The following TENM1 variants were observed in gnomAD, a reference collection of about 807,000 sequenced individuals.
TENM1 encodes the protein teneurin-1.
A neutral mutation model predicts 174.8 loss-of-function variants in TENM1; 35 were observed. That is an observed-to-expected ratio of 0.20 (90% CI 0.15 to 0.27). The LOEUF (loss-of-function observed/expected upper bound fraction) is 0.27, where lower values mean the gene tolerates loss of function less well. Among genes scored for constraint, TENM1 ranks in the 10% least tolerant of loss-of-function variants. The probability of loss-of-function intolerance (pLI) is 1.00; values close to 1 mark genes in which losing one functional copy is unlikely to be tolerated. For missense variants in TENM1, 1,633 were observed against 2,130.1 expected (o/e 0.77, Z 4.59); for synonymous variants, 781 against 798.7 (o/e 0.98, Z 0.37).
At chrX:124,584,607 C>T (rs752550524) in intron 11 of TENM1, among the ~76,000 whole-genome samples, 1 of 111,332 alleles carries the variant, frequency 9.0e-6, no homozygotes, top group Admixed American at 9.5e-5. Context: ...ACCATCAAGG[C>T]TAGGAAGAAA....
intron 5 of TENM1, among the ~76,000 whole-genome samples, chrX:124,697,712 T>C (rs972893469): frequency 9.0e-6 from 1 of 111,524 alleles, no homozygotes; most frequent in Admixed American, 9.6e-5. Flanking sequence ...TTAACATAAA[T>C]GACACATTTT....
the TENM1 span, among the ~76,000 whole-genome samples, chrX:125,026,006 T>C: frequency 1.7e-4 from 19 of 109,930 alleles, no homozygotes; most frequent in Non-Finnish European, 3.2e-4. Flanking sequence ...TCTCAAAAAG[T>C]TGGAAAAAAT....
the TENM1 span, among the ~76,000 whole-genome samples, chrX:125,135,465 T>G: frequency 8.9e-6 from 1 of 112,092 alleles, no homozygotes; most frequent in Non-Finnish European, 1.9e-5. Flanking sequence ...GGATGACTAC[T>G]AAATGATGTC....
At chrX:124,623,062 TTTC>T (rs1311675809) in intron 11 of TENM1, among the ~76,000 whole-genome samples, 3 of 111,884 alleles carry the variant, frequency 2.7e-5, no homozygotes, top group African/African-American at 9.7e-5. Flanking sequence ...ATAAAATAAT[TTTC>T]TTTTTATTCA....
At chrX:124,837,378 G>A (rs2056414444) in intron 3 of TENM1, among the ~76,000 whole-genome samples, 1 of 112,173 alleles carries the variant, frequency 8.9e-6, no homozygotes, top group Non-Finnish European at 1.9e-5. Flanking sequence ...TGTGAGCTAC[G>A]ACGCCCAGCC....
chrX:124,916,376 T>C (rs2057924586), intron 1 of TENM1, among the ~76,000 whole-genome samples: 1 of 111,247 alleles, frequency 9.0e-6, no homozygotes, highest in Non-Finnish European at 1.9e-5. Flanking sequence ...AGCATCATCA[T>C]AGCTCACTGT....
chrX:124,662,117 A>T (rs1485191423), intron 6 of TENM1, among the ~76,000 whole-genome samples: 1 of 110,438 alleles, frequency 9.1e-6, no homozygotes, highest in Non-Finnish European at 1.9e-5. Flanking sequence ...TTTCTTACTC[A>T]TACTCGGTGT....
chrX:124,396,304 C>CTT (rs1257692658), intron 27 of TENM1, among the ~76,000 whole-genome samples: 4 of 70,437 alleles, frequency 5.7e-5, no homozygotes, highest in South Asian at 6.3e-4. Flanking sequence ...CTCTCCCAAC[C>CTT]TTTTTTTTTT....
At chrX:124,698,954 T>A (rs1603025422) in intron 5 of TENM1, among the ~76,000 whole-genome samples, 1 of 111,656 alleles carries the variant, frequency 9.0e-6, no homozygotes, top group East Asian at 2.8e-4. Flanking sequence ...CTGGCTGTTC[T>A]AGATAAAAAT....
At chrX:124,665,318 C>T (rs1009432806) in intron 6 of TENM1, among the ~76,000 whole-genome samples, 1 of 110,068 alleles carries the variant, frequency 9.1e-6, no homozygotes, top group Admixed American at 9.6e-5. Context: ...CCAGCCTGGG[C>T]AACAAGAGCA....
intron 1 of TENM1, among the ~76,000 whole-genome samples, chrX:124,910,252 C>T (rs979519778): frequency 8.9e-5 from 10 of 112,258 alleles, no homozygotes; most frequent in African/African-American, 3.2e-4. Flanking sequence ...GACATTAGTG[C>T]TTTTGAACTG....
intron 25 of TENM1, among the ~76,000 whole-genome samples, chrX:124,418,577 T>C (rs764039026): frequency 6.2e-5 from 7 of 112,052 alleles, no homozygotes; most frequent in Non-Finnish European, 1.3e-4. Flanking sequence ...TCCAGTACAA[T>C]ATAAGTTCCA....
chrX:124,719,893 G>C (rs2053271606), intron 4 of TENM1, among the ~76,000 whole-genome samples: 1 of 112,012 alleles, frequency 8.9e-6, no homozygotes, highest in Admixed American at 9.5e-5. Flanking sequence ...GAAATGGCTG[G>C]TTGTAACTTA....
chrX:124,813,442 A>G (rs2055828197), intron 3 of TENM1, among the ~76,000 whole-genome samples: 1 of 111,948 alleles, frequency 8.9e-6, no homozygotes, highest in Admixed American at 9.5e-5. Context: ...ACAGATACCT[A>G]GGAAGAAATT....
intron 13 of TENM1, among the ~76,000 whole-genome samples, chrX:124,562,342 G>A (rs150036344): frequency 2.7e-5 from 3 of 111,931 alleles, no homozygotes; most frequent in African/African-American, 3.2e-5. Flanking sequence ...CCTTAGAAAT[G>A]TGCTGTAGTT....
chrX:125,185,725 G>A, the TENM1 span, among the ~76,000 whole-genome samples: 1 of 111,925 alleles, frequency 8.9e-6, no homozygotes, highest in Non-Finnish European at 1.9e-5. Flanking sequence ...AACAAATTAG[G>A]CCAAATTATC....
At chrX:124,912,392 T>C (rs748240732) in intron 1 of TENM1, among the ~76,000 whole-genome samples, 72 of 111,184 alleles carry the variant, frequency 6.5e-4, no homozygotes, top group Non-Finnish European at 1.2e-3. Flanking sequence ...AAAATATTTT[T>C]GGCTAAATAC....
the TENM1 span, among the ~76,000 whole-genome samples, chrX:125,078,334 G>C: frequency 1.8e-5 from 2 of 111,806 alleles, no homozygotes; most frequent in African/African-American, 6.5e-5. Context: ...TTTTAAAAAA[G>C]AAGTGCGGCA....
intron 1 of TENM1, among the ~76,000 whole-genome samples, chrX:124,931,062 A>C (rs1205580435): frequency 9.0e-6 from 1 of 111,001 alleles, no homozygotes; most frequent in Non-Finnish European, 1.9e-5. Flanking sequence ...GACAGACCCC[A>C]AGATCTACTG....
Sources: allele counts gnomAD v4.1 joint callset (sites outside exome capture counted in the v4.1 genomes callset), GRCh38; gene constraint gnomAD v4.1.1; transcripts MANE v1.5; gene names NCBI Gene and HGNC (gene_info 2026-07-23, HGNC 2026-07-21).